CEP83: variants seen among roughly 807,000 people sequenced by gnomAD.
CEP83 encodes centrosomal protein 83.
A neutral mutation model predicts 101.9 loss-of-function variants in CEP83; 70 were observed. The observed-to-expected ratio is 0.69, with a 90% CI of 0.57 to 0.84. The LOEUF is 0.84. Ranked by LOEUF, CEP83 falls within the 40% of genes least tolerant of loss-of-function variation. The pLI, the probability that CEP83 is intolerant of heterozygous loss-of-function variation, is 0.00. For synonymous variants in CEP83, 264 were observed against 267.9 expected (o/e 0.99, Z 0.14); for missense variants, 715 against 787.2 (o/e 0.91, Z 1.10).
chr12:94,271,406 C>A, the CEP83 span, among the ~76,000 whole-genome samples: 1 of 152,088 alleles, frequency 6.6e-6, no homozygotes, highest in Non-Finnish European at 1.5e-5. Context: ...ATCCTGCCAG[C>A]CCCCTGCAGC....
At chr12:94,313,256 T>A in intron 14 of CEP83, 2 of 264,444 alleles carry the variant, frequency 7.6e-6, no homozygotes, top group Non-Finnish European at 1.4e-5. Flanking sequence ...AAAACTGTTA[T>A]CAATAATTGC....
At chr12:94,369,635 AAT>A in intron 9 of CEP83, 1 of 223,616 alleles carries the variant, frequency 4.5e-6, no homozygotes, top group Non-Finnish European at 8.6e-6. Context: ...CTACACCATA[AAT>A]AGATTTAAAA....
At chr12:94,343,583 G>A (rs977506208) in intron 11 of CEP83, among the ~76,000 whole-genome samples, 23 of 138,880 alleles carry the variant, frequency 1.7e-4, no homozygotes, top group Admixed American at 3.9e-4. Flanking sequence ...TCCGCTTCCC[G>A]GGTTCACGCC....
At chr12:94,306,253 T>TCA (rs1283857909), downstream of CEP83, 8 of 152,160 alleles carry the variant, frequency 5.3e-5, no homozygotes, top group African/African-American at 9.7e-5. Context: ...ATTTTACATT[T>TCA]TATCGAATTG....
At chr12:94,277,775 T>C in the CEP83 span, 1 of 363,408 alleles carries the variant, frequency 2.8e-6, no homozygotes, top group Admixed American at 3.6e-5. Context: ...ACAGGTTTTA[T>C]TGCCGATACT....
chr12:94,298,773 G>A, the CEP83 span: 13 of 1,610,604 alleles, frequency 8.1e-6, no homozygotes, highest in African/African-American at 9.4e-5. Flanking sequence ...TCCTGACGTC[G>A]TACATATTTG....
At chr12:94,356,128 G>A (rs1367090599) in intron 11 of CEP83, among the ~76,000 whole-genome samples, 3 of 152,306 alleles carry the variant, frequency 2.0e-5, no homozygotes, top group East Asian at 1.9e-4. Context: ...CCAGAGCGAC[G>A]GCTGGGAACA....
chr12:94,368,819 G>A (rs1047355593), intron 9 of CEP83: 1 of 152,130 alleles, frequency 6.6e-6, no homozygotes, highest in Non-Finnish European at 1.5e-5. Context: ...TTAACTCTAT[G>A]GAAATCCATG....
At position 94,309,011 on chromosome 12, in the gene CEP83, C is replaced by T. The variant is rs1038780517; in HGVS notation, c.2002-94G>A. The stretch of plus-strand genomic sequence containing the variant: ...CTGCCTCTTTTATATATGCCTATAA[C>T]ATCTGGCAAGGAAATGCTGACCACT... On this transcript the variant is annotated intron_variant, in intron 16 of 16. Coordinates refer to ENST00000397809, the MANE Select transcript of CEP83 (RefSeq NM_016122.3). 1.4e-5 allele frequency: 11 copies of T among 794,358 alleles called. No individual in the cohort carries two copies. The African/African-American group carries it at 1.5e-4, about 11-fold the overall frequency. The allele number at this position is 794,358 out of a possible 1,614,324, so 49.2% of individuals were successfully genotyped here. A position where few individuals can be genotyped will look rare whatever the true frequency, so the allele number is the denominator to read the frequency against.
the CEP83 span, among the ~76,000 whole-genome samples, chr12:94,268,137 A>G: frequency 2.0e-5 from 3 of 152,220 alleles, no homozygotes; most frequent in Non-Finnish European, 2.9e-5. Context: ...ACTCGTGTTC[A>G]GCTAAATGCT....
At chr12:94,402,180 A>G (rs894266664) in intron 5 of CEP83, 3 of 152,222 alleles carry the variant, frequency 2.0e-5, no homozygotes, top group Non-Finnish European at 4.4e-5. Flanking sequence ...TAAAACTGTA[A>G]CAGATTTTTA....
chr12:94,298,563 T>C, the CEP83 span: 21 of 1,232,508 alleles, frequency 1.7e-5, no homozygotes, highest in Non-Finnish European at 2.2e-5. Flanking sequence ...GATTTGCTTT[T>C]GCTATTATGT....
At chr12:94,279,972 G>A in the CEP83 span, 1 of 447,058 alleles carries the variant, frequency 2.2e-6, no homozygotes, top group Non-Finnish European at 4.2e-6. Context: ...AATACAGAAA[G>A]GTGTCAACAC....
chr12:94,359,292 C>A (rs1014076228), intron 11 of CEP83, among the ~76,000 whole-genome samples: 1 of 152,166 alleles, frequency 6.6e-6, no homozygotes, highest in African/African-American at 2.4e-5. Context: ...GTCTCCCCAA[C>A]TGAGCTGGTC....
intron 4 of CEP83, among the ~76,000 whole-genome samples, chr12:94,404,824 T>C (rs1472708608): frequency 6.6e-6 from 1 of 152,220 alleles, no homozygotes. Flanking sequence ...CAATAACTTA[T>C]GTACCCTTCC....
At chr12:94,397,046 T>C (rs1388970339) in intron 6 of CEP83, among the ~76,000 whole-genome samples, 1 of 152,184 alleles carries the variant, frequency 6.6e-6, no homozygotes, top group Non-Finnish European at 1.5e-5. Flanking sequence ...CAAAAGTAAA[T>C]CCACAATTAT....
At chr12:94,267,486 G>A in the CEP83 span, among the ~76,000 whole-genome samples, 3 of 152,046 alleles carry the variant, frequency 2.0e-5, no homozygotes, top group Non-Finnish European at 2.9e-5. Context: ...TATAGCCCCT[G>A]GGGAAAAGGG....
rs534452335 is a variant in CEP83 at position 94,365,827 on chromosome 12, T to TTCACTA, written c.1343+1961_1343+1966dup. Among the ~76,000 whole-genome samples, 22 of 151,552 alleles carry TTCACTA rather than the reference T, an allele frequency of 1.5e-4. No individual in the cohort carries two copies. In the East Asian group the frequency reaches 3.9e-3, roughly 27 times the overall value. On this transcript the variant is annotated intron_variant, in intron 11 of 16. Coordinates refer to ENST00000397809, the MANE Select transcript of CEP83 (RefSeq NM_016122.3). ...AAATTAAATGAACATAGGAGACTAT[T>TTCACTA]TCACTAAACACTGATAGATACACAT...
chr12:94,284,612 A>T, the CEP83 span, among the ~76,000 whole-genome samples: 16 of 152,038 alleles, frequency 1.1e-4, no homozygotes, highest in Admixed American at 5.2e-4. Context: ...AGGTACTATT[A>T]TTAACCCCAC....
Sources: allele counts gnomAD v4.1 joint callset (sites outside exome capture counted in the v4.1 genomes callset), GRCh38; gene constraint gnomAD v4.1.1; transcripts MANE v1.5; gene names NCBI Gene and HGNC (gene_info 2026-07-23, HGNC 2026-07-21).